CDH13: variants seen among roughly 807,000 people sequenced by gnomAD.
The protein encoded by CDH13 is cadherin 13.
A neutral mutation model predicts 63.8 loss-of-function variants in CDH13; 24 were observed. The observed-to-expected ratio is 0.38, with a 90% CI of 0.27 to 0.53. CDH13 has a LOEUF of 0.53. Among genes scored for constraint, CDH13 ranks in the 20% least tolerant of loss-of-function variants. The pLI, the probability that CDH13 is intolerant of heterozygous loss-of-function variation, is 0.85. For missense variants in CDH13, 1,049 were observed against 903.1 expected (o/e 1.16, Z -2.07); for synonymous variants, 503 against 355.3 (o/e 1.42, Z -4.67).
At chr16:82,801,346 C>T (rs1432263060) in intron 1 of CDH13, among the ~76,000 whole-genome samples, 2 of 152,212 alleles carry the variant, frequency 1.3e-5, no homozygotes, top group Non-Finnish European at 2.9e-5. Flanking sequence ...TGGCTTGATG[C>T]TCCTCGAGGG....
chr16:83,180,467 T>C (rs1346610782), intron 4 of CDH13, among the ~76,000 whole-genome samples: 1 of 152,210 alleles, frequency 6.6e-6, no homozygotes, highest in African/African-American at 2.4e-5. Flanking sequence ...TTAAATGGCT[T>C]AGAGCATGAG....
intron 1 of CDH13, among the ~76,000 whole-genome samples, chr16:82,788,364 A>G (rs1350532921): frequency 2.6e-5 from 4 of 152,200 alleles, no homozygotes; most frequent in Non-Finnish European, 4.4e-5. Context: ...CTGAGTCCCA[A>G]GAGCCATGCA....
chr16:82,667,454 A>T (rs911135450), intron 1 of CDH13, among the ~76,000 whole-genome samples: 1 of 152,214 alleles, frequency 6.6e-6, no homozygotes, highest in Non-Finnish European at 1.5e-5. Context: ...TCCTCCACTC[A>T]TTCCCATCTG....
intron 6 of CDH13, among the ~76,000 whole-genome samples, chr16:83,457,475 A>C (rs1258630023): frequency 6.6e-6 from 1 of 152,042 alleles, no homozygotes; most frequent in African/African-American, 2.4e-5. Context: ...TCTGCTTTTC[A>C]ATTAAGGATT....
intron 7 of CDH13, among the ~76,000 whole-genome samples, chr16:83,487,186 G>T (rs1211110345): frequency 3.3e-5 from 5 of 152,102 alleles, no homozygotes; most frequent in African/African-American, 7.2e-5. Context: ...CCCGTCTCCT[G>T]GGTCACATGT....
intron 6 of CDH13, among the ~76,000 whole-genome samples, chr16:83,428,815 T>C (rs1488247989): frequency 6.6e-6 from 1 of 152,244 alleles, no homozygotes; most frequent in Non-Finnish European, 1.5e-5. Context: ...TCTGTTGTTT[T>C]CTTGTGAAGT....
At chr16:82,986,008 C>G (rs777208660) in intron 2 of CDH13, among the ~76,000 whole-genome samples, 1 of 152,186 alleles carries the variant, frequency 6.6e-6, no homozygotes, top group Non-Finnish European at 1.5e-5. Context: ...TCCTGTAAAG[C>G]CTACAGAACC....
intron 3 of CDH13, among the ~76,000 whole-genome samples, chr16:83,071,496 G>A (rs1254952110): frequency 6.6e-6 from 1 of 152,170 alleles, no homozygotes; most frequent in African/African-American, 2.4e-5. Flanking sequence ...TTTGCTCTCT[G>A]AGCAGGAGGA....
Position 83,217,364 on chromosome 16 carries a change from C to A in CDH13, c.503C>A (p.Pro168Gln). The stretch of plus-strand genomic sequence containing the variant: ...GACTAGGTAGTCGATAGTGACAGGC[C>A]AGAAAGGTCCAAGTTCCGGCTCACT... ...DVGKVVDSDR[P>Q]ERSKFRLTGK... The change falls in exon 5 of 14, where the codon CCA becomes CAA. Residue 168 changes from proline to glutamine, a missense_variant. Coordinates refer to ENST00000567109, the MANE Select transcript of CDH13 (RefSeq NM_001257.5). The A allele has an allele frequency of 3.7e-6, 6 of 1,613,880 alleles. No individual in the cohort carries two copies. Among genetic ancestry groups the A allele is most frequent in the Non-Finnish European group, 5.1e-6 (6 of 1,179,848 alleles).
rs770826066 is a variant in CDH13, at chr16:83,076,928, T to TACAA, written c.366+44710_366+44711insACAA. Among the ~76,000 whole-genome samples, 600 of 152,158 alleles carry TACAA rather than the reference T, an allele frequency of 3.9e-3. 2 individuals are homozygous for TACAA. Among genetic ancestry groups the TACAA allele is most frequent in the Non-Finnish European group, 6.3e-3 (430 of 67,996 alleles). On this transcript the variant is annotated intron_variant, in intron 3 of 13. Transcript: ENST00000567109. ...AGTAATGGCAAAAACCGCAATTACT[T>TACAA]TTGTGCCAACTGAATACAACTGTGC...
At chr16:83,376,692 G>A (rs1367065456) in intron 6 of CDH13, among the ~76,000 whole-genome samples, 1 of 152,104 alleles carries the variant, frequency 6.6e-6, no homozygotes, top group Non-Finnish European at 1.5e-5. Flanking sequence ...AGAGAGTTAG[G>A]AGGTACAAAA....
intron 11 of CDH13, among the ~76,000 whole-genome samples, chr16:83,763,060 A>T (rs1386402446): frequency 6.6e-6 from 1 of 152,196 alleles, no homozygotes; most frequent in Non-Finnish European, 1.5e-5. Flanking sequence ...CAAACGCGTC[A>T]TATTCCCCAT....
At position 83,049,323 on chromosome 16, in the gene CDH13, C is replaced by CACTTTTTTTTTTTTT; in HGVS notation, c.366+17105_366+17106insACTTTTTTTTTTTTT. Reference sequence around the variant, plus strand: ...CAATACTTGGGCATTTATGACTGGCCTCTTTTTTTTTTTTTTTTTTTTTGA... The same window carrying CACTTTTTTTTTTTTT: ...CAATACTTGGGCATTTATGACTGGCCACTTTTTTTTTTTTTTCTTTTTTTTTTTTTTTTTTTTTGA... On this transcript the variant is annotated intron_variant, in intron 3 of 13. Coordinates refer to ENST00000567109, the MANE Select transcript of CDH13 (RefSeq NM_001257.5). 1.0e-4 allele frequency among the ~76,000 whole-genome samples: 7 copies of CACTTTTTTTTTTTTT among 68,988 alleles called. 3 individuals carry two copies. Among genetic ancestry groups the CACTTTTTTTTTTTTT allele is most frequent in the African/African-American group, 1.1e-4 (2 of 17,660 alleles). 45.3% of individuals were successfully genotyped at this position (68,988 alleles called of 152,430 possible). A position where few individuals can be genotyped will look rare whatever the true frequency, so the allele number is the denominator to read the frequency against.
intron 2 of CDH13, among the ~76,000 whole-genome samples, chr16:83,002,103 C>A (rs12925978): frequency 6.6e-6 from 1 of 152,108 alleles, no homozygotes; most frequent in Admixed American, 6.5e-5. Flanking sequence ...GGTTGAATGT[C>A]GGCCCCAAAA....
intron 5 of CDH13, among the ~76,000 whole-genome samples, chr16:83,317,879 C>T (rs1214093350): frequency 1.3e-5 from 2 of 151,892 alleles, no homozygotes; most frequent in Admixed American, 6.6e-5. Context: ...ATCACAAATA[C>T]GAAGTAATCT....
intron 1 of CDH13, among the ~76,000 whole-genome samples, chr16:82,655,196 A>G (rs1197856313): frequency 6.6e-6 from 1 of 152,246 alleles, no homozygotes; most frequent in Non-Finnish European, 1.5e-5. Flanking sequence ...CCAGGTTCCT[A>G]TCTTCATGGA....
chr16:83,665,555 A>G (rs1377686088), intron 8 of CDH13, among the ~76,000 whole-genome samples: 1 of 152,174 alleles, frequency 6.6e-6, no homozygotes, highest in Non-Finnish European at 1.5e-5. Context: ...TATCATCACA[A>G]ATAGAAATTA....
In CDH13 at chr16:82,842,974, A is replaced by C. The variant is rs147854303; in HGVS notation, c.46-15388A>C. ...TCAGGTGGTAATGCAAGTGCTGGGG[A>C]GCAGCTATAAATACAGACGCAGCTC... is the stretch of plus-strand genomic sequence containing the variant. On this transcript the variant is annotated intron_variant, in intron 1 of 13. Transcript: ENST00000567109. 1.3e-5 allele frequency among the ~76,000 whole-genome samples: 2 copies of C among 152,244 alleles called. 1 individual carries two copies. Among genetic ancestry groups the C allele is most frequent in the African/African-American group, 4.8e-5 (2 of 41,544 alleles).
At chr16:83,258,530 T>C (rs1481514121) in intron 5 of CDH13, among the ~76,000 whole-genome samples, 3 of 152,168 alleles carry the variant, frequency 2.0e-5, no homozygotes, top group African/African-American at 7.2e-5. Flanking sequence ...CTGTGAAAGA[T>C]TGGGTACACA....
Sources: allele counts gnomAD v4.1 joint callset (sites outside exome capture counted in the v4.1 genomes callset), GRCh38; gene constraint gnomAD v4.1.1; transcripts MANE v1.5; gene names NCBI Gene and HGNC (gene_info 2026-07-23, HGNC 2026-07-21).